The following NRXN3 variants were observed in gnomAD, a reference collection of about 807,000 sequenced individuals.
NRXN3 encodes neurexin 3.
Under a neutral mutation model 137.6 loss-of-function variants are expected in NRXN3, and 32 were observed. The observed-to-expected ratio is 0.23, with a 90% CI of 0.18 to 0.31. The LOEUF (loss-of-function observed/expected upper bound fraction) is 0.31, where lower values mean the gene tolerates loss of function less well. Among genes scored for constraint, NRXN3 ranks in the 10% least tolerant of loss-of-function variants. The pLI, the probability that NRXN3 is intolerant of heterozygous loss-of-function variation, is 1.00. For synonymous variants in NRXN3, 798 were observed against 784.5 expected, an observed-to-expected ratio of 1.02 and a Z score of -0.29; for missense variants, 1,574 against 2,062.5, an observed-to-expected ratio of 0.76 and a Z score of 4.59.
In NRXN3 at chr14:78,926,859, A is replaced by T. The variant is rs1348482070; in HGVS notation, c.2276-30383A>T. ...TATAAATATATAATATATTATATAT[A>T]TAATATATATATAATATATAATATA... is the stretch of plus-strand genomic sequence containing the variant. On this transcript the variant is annotated intron_variant, in intron 10 of 20. Transcript: ENST00000335750. Among the ~76,000 whole-genome samples the T allele has an allele frequency of 3.3e-4, 8 of 23,938 alleles. 1 individual carries two copies. The highest frequency in any genetic ancestry group is 8.3e-4 in the Admixed American group (1 of 1,204). The allele number at this position is 23,938 out of a possible 152,430, so 15.7% of individuals were successfully genotyped here.
At chr14:78,329,996 C>T (rs2153568764) in intron 4 of NRXN3, among the ~76,000 whole-genome samples, 1 of 152,250 alleles carries the variant, frequency 6.6e-6, no homozygotes, top group Non-Finnish European at 1.5e-5. Flanking sequence ...ACAGCAGATG[C>T]TCCCAGGGTA....
chr14:78,748,749 C>G (rs1257427377), intron 8 of NRXN3, among the ~76,000 whole-genome samples: 1 of 152,146 alleles, frequency 6.6e-6, no homozygotes. Context: ...AAATACCTGT[C>G]TATGCACTGT....
At chr14:79,339,469 A>G (rs1450427237) in intron 15 of NRXN3, among the ~76,000 whole-genome samples, 1 of 152,208 alleles carries the variant, frequency 6.6e-6, no homozygotes, top group Non-Finnish European at 1.5e-5. Context: ...GCTGCTAGCC[A>G]AGGAACCACA....
At chr14:78,316,519 G>T (rs562180981) in intron 4 of NRXN3, among the ~76,000 whole-genome samples, 11 of 152,202 alleles carry the variant, frequency 7.2e-5, no homozygotes, top group East Asian at 3.9e-4. Flanking sequence ...TTGTTTGTTT[G>T]TTTTTTTCCT....
At chr14:79,152,935 G>A (rs1446433003) in intron 15 of NRXN3, among the ~76,000 whole-genome samples, 4 of 151,818 alleles carry the variant, frequency 2.6e-5, no homozygotes, top group Non-Finnish European at 4.4e-5. Flanking sequence ...GACACCTGTG[G>A]GCTTGCATTT....
intron 4 of NRXN3, among the ~76,000 whole-genome samples, chr14:78,433,944 T>C (rs60830587): frequency 0.25 from 37,662 of 152,026 alleles, 7,197 homozygotes; most frequent in African/African-American, 0.52. Context: ...GACAAACCCA[T>C]GGTAAGTTGA....
intron 4 of NRXN3, among the ~76,000 whole-genome samples, chr14:78,551,595 C>T (rs1375741511): frequency 6.6e-6 from 1 of 151,110 alleles, no homozygotes; most frequent in Non-Finnish European, 1.5e-5. Context: ...CTCTCATTTC[C>T]CTTCCTTTAT....
intron 20 of NRXN3, among the ~76,000 whole-genome samples, chr14:79,817,017 C>T (rs1603599044): frequency 1.3e-5 from 2 of 152,176 alleles, no homozygotes; most frequent in Admixed American, 1.3e-4. Context: ...TCTGATAGTG[C>T]AGTATTTTGC....
Position 79,510,009 on chromosome 14 carries a change from C to T in NRXN3, c.3444+42607C>T, listed in dbSNP as rs189132938. Among the ~76,000 whole-genome samples, 6 of 152,290 alleles carry T rather than the reference C, an allele frequency of 3.9e-5. No individual in the cohort carries two copies. In the South Asian group the frequency reaches 1.2e-3, roughly 32 times the overall value. Reference sequence around the variant, plus strand: ...CCTGTCACTGAGTATGCAGTGCTCACAGATGTGGGGAATACCTATGTACAT... The same window carrying T: ...CCTGTCACTGAGTATGCAGTGCTCATAGATGTGGGGAATACCTATGTACAT... On this transcript the variant is annotated intron_variant, in intron 16 of 20. Transcript: ENST00000335750.
intron 4 of NRXN3, among the ~76,000 whole-genome samples, chr14:78,527,880 C>T (rs749717585): frequency 3.0e-4 from 45 of 152,106 alleles, no homozygotes; most frequent in Non-Finnish European, 8.8e-5. Flanking sequence ...TTATCATTTG[C>T]TTATTTTCTT....
intron 15 of NRXN3, among the ~76,000 whole-genome samples, chr14:79,172,901 G>A (rs2061928333): frequency 6.6e-6 from 1 of 152,176 alleles, no homozygotes; most frequent in Non-Finnish European, 1.5e-5. Context: ...AAGAATTGTA[G>A]CTCAGAAATT....
chr14:78,842,920 A>G (rs1054595145), intron 10 of NRXN3, among the ~76,000 whole-genome samples: 2 of 152,096 alleles, frequency 1.3e-5, no homozygotes, highest in South Asian at 4.1e-4. Context: ...CATTGCTGTT[A>G]TCCTGTTCTT....
At chr14:78,775,343 A>G (rs1010506081) in intron 8 of NRXN3, among the ~76,000 whole-genome samples, 1 of 152,212 alleles carries the variant, frequency 6.6e-6, no homozygotes, top group East Asian at 1.9e-4. Flanking sequence ...AAAAATTTCA[A>G]ATTAGTATCA....
intron 10 of NRXN3, among the ~76,000 whole-genome samples, chr14:78,870,619 A>G (rs1596717753): frequency 6.6e-6 from 1 of 152,000 alleles, no homozygotes; most frequent in Non-Finnish European, 1.5e-5. Flanking sequence ...TGAACGCTAG[A>G]TCTTATTCCT....
At chr14:78,740,032 A>G (rs897607529) in intron 8 of NRXN3, among the ~76,000 whole-genome samples, 4 of 152,140 alleles carry the variant, frequency 2.6e-5, no homozygotes, top group African/African-American at 9.7e-5. Flanking sequence ...GTGCCCTGGC[A>G]TCTCTTAAGT....
intron 1 of NRXN3, among the ~76,000 whole-genome samples, chr14:78,235,955 G>C (rs2066240452): frequency 6.6e-6 from 1 of 152,212 alleles, no homozygotes; most frequent in Non-Finnish European, 1.5e-5. Flanking sequence ...TTTGCCCTTA[G>C]TTTTCTAGAA....
At chr14:79,551,827 C>T (rs561097081) in intron 16 of NRXN3, among the ~76,000 whole-genome samples, 8 of 152,216 alleles carry the variant, frequency 5.3e-5, no homozygotes, top group South Asian at 2.1e-4. Context: ...CATGGCTGAG[C>T]GCACAGCTCA....
chr14:79,161,373 A>C (rs1415842593), intron 15 of NRXN3, among the ~76,000 whole-genome samples: 6 of 151,970 alleles, frequency 3.9e-5, no homozygotes, highest in African/African-American at 1.4e-4. Flanking sequence ...CTAGAATTTC[A>C]GAGAATGTGT....
intron 17 of NRXN3, among the ~76,000 whole-genome samples, chr14:79,680,804 C>T (rs2098666386): frequency 6.6e-6 from 1 of 152,094 alleles, no homozygotes; most frequent in East Asian, 1.9e-4. Flanking sequence ...CAGAATTCAG[C>T]CTGCTGTTCC....
Sources: allele counts gnomAD v4.1 joint callset (sites outside exome capture counted in the v4.1 genomes callset), GRCh38; gene constraint gnomAD v4.1.1; transcripts MANE v1.5; gene names NCBI Gene and HGNC (gene_info 2026-07-23, HGNC 2026-07-21).